Variants in MAP3K4 observed in about 807,000 individuals in gnomAD.
MAP3K4 encodes MAP three kinase 1.
Under a neutral mutation model 185.6 loss-of-function variants are expected in MAP3K4, and 67 were observed. The ratio of observed to expected loss-of-function variants is 0.36; its 90% CI spans 0.30 to 0.44. MAP3K4 has a LOEUF of 0.44. Ranked by LOEUF, MAP3K4 falls within the 20% of genes least tolerant of loss-of-function variation. The pLI, the probability that MAP3K4 is intolerant of heterozygous loss-of-function variation, is 1.00. For synonymous variants in MAP3K4, 702 were observed against 710.4 expected, an observed-to-expected ratio of 0.99 and a Z score of 0.19; for missense variants, 1,551 against 1,995.1, an observed-to-expected ratio of 0.78 and a Z score of 4.24.
chr6:161,020,347 A>G (rs954185304), intron 1 of MAP3K4, among the ~76,000 whole-genome samples: 5 of 151,994 alleles, frequency 3.3e-5, no homozygotes, highest in Admixed American at 1.3e-4. Context: ...CCCTGCCCAC[A>G]TGTGTGCACT....
chr6:161,033,736 C>T (rs1326563525), intron 1 of MAP3K4, among the ~76,000 whole-genome samples: 1 of 152,150 alleles, frequency 6.6e-6, no homozygotes, highest in African/African-American at 2.4e-5. Context: ...CTTGGTACTT[C>T]GTGCTTTGCT....
In MAP3K4 at chr6:161,103,204, T is replaced by G. The variant is rs1450334519; in HGVS notation, c.3856+425T>G. On this transcript the variant is annotated intron_variant, in intron 19 of 26. Transcript: ENST00000392142. The surrounding 1 kb of genome is among the most constrained non-coding windows in gnomAD (Gnocchi z 4.6). ...AGTATTTAATGATCTATAAAATGCT[T>G]TCATGTCTTTTTTTGCTCAACAATA... 6.6e-6 allele frequency among the ~76,000 whole-genome samples: 1 copy of G among 152,224 alleles called. No individual in the cohort carries two copies.
At chr6:161,047,142 A>ATATATG (rs1381937819) in intron 2 of MAP3K4, among the ~76,000 whole-genome samples, 1 of 117,636 alleles carries the variant, frequency 8.5e-6, no homozygotes, top group African/African-American at 3.1e-5. Context: ...ATATATATAT[A>ATATATG]TATGTTTAAA....
chr6:161,056,249 C>T lies in MAP3K4; in HGVS notation c.1707+6270C>T, dbSNP rs1158903249. On this transcript the variant is annotated intron_variant, in intron 3 of 26. Transcript: ENST00000392142. The surrounding 1 kb of genome is among the most constrained non-coding windows in gnomAD (Gnocchi z 5.4). ...TGTCTTGTATTTTCCCTCGTTCTGT[C>T]CTAGGATCAGCCATTTCTCCAAGGA... 6.6e-6 allele frequency among the ~76,000 whole-genome samples: 1 copy of T among 152,158 alleles called. No individual in the cohort carries two copies. The highest frequency in any genetic ancestry group is 1.5e-5 in the Non-Finnish European group (1 of 68,028).
Position 161,112,087 on chromosome 6 carries a change from A to G in MAP3K4, c.4519+129A>G, listed in dbSNP as rs1778378434. The G allele has an allele frequency of 3.2e-6, 4 of 1,235,148 alleles. No individual in the cohort carries two copies. Among genetic ancestry groups the G allele is most frequent in the Non-Finnish European group, 4.4e-6 (4 of 903,486 alleles). The allele number at this position is 1,235,148 out of a possible 1,614,324, so 76.5% of individuals were successfully genotyped here. On this transcript the variant is annotated intron_variant, in intron 24 of 26. Coordinates refer to ENST00000392142, the MANE Select transcript of MAP3K4 (RefSeq NM_005922.4). This position sits in a 1 kb window ranked among gnomAD's most constrained non-coding sequence, Gnocchi z 5.1. The stretch of plus-strand genomic sequence containing the variant: ...GTAAAGGTTTTCAGTCGTGAGAAGG[A>G]CCACTTCCTCACACACTTGGGCTCC...
intron 19 of MAP3K4, among the ~76,000 whole-genome samples, chr6:161,105,994 C>T (rs1583241768): frequency 6.6e-6 from 1 of 151,996 alleles, no homozygotes; most frequent in East Asian, 1.9e-4. Flanking sequence ...CACCACCACA[C>T]CTGGCTAACT....
chr6:161,054,857 T>C lies in MAP3K4; in HGVS notation c.1707+4878T>C, dbSNP rs950569919. On this transcript the variant is annotated intron_variant, in intron 3 of 26. Transcript: ENST00000392142. The surrounding 1 kb of genome is among the most constrained non-coding windows in gnomAD (Gnocchi z 4.2). ...GCAGTTTTATCCTGGCTGTAAGGAC[T>C]ACCATGATGGGAAAAAATAAGAGGA... Among the ~76,000 whole-genome samples the C allele has an allele frequency of 1.3e-5, 2 of 152,222 alleles. No individual in the cohort carries two copies. Among genetic ancestry groups the C allele is most frequent in the Admixed American group, 1.3e-4 (2 of 15,286 alleles).
chr6:161,073,007 T>C lies in MAP3K4; in HGVS notation c.1951-459T>C, dbSNP rs773437924. Reference sequence around the variant, plus strand: ...AGACTGGGCCACAAATCACAGTAGGTAAACTATGCTAAATTATTGCGAAGG... The same window carrying C: ...AGACTGGGCCACAAATCACAGTAGGCAAACTATGCTAAATTATTGCGAAGG... On this transcript the variant is annotated intron_variant, in intron 4 of 26. Coordinates refer to ENST00000392142, the MANE Select transcript of MAP3K4 (RefSeq NM_005922.4). This position sits in a 1 kb window ranked among gnomAD's most constrained non-coding sequence, Gnocchi z 4.2. Among the ~76,000 whole-genome samples, 22 of 152,216 alleles carry C rather than the reference T, an allele frequency of 1.4e-4. No individual in the cohort carries two copies. Among genetic ancestry groups the C allele is most frequent in the Non-Finnish European group, 2.4e-4 (16 of 68,038 alleles).
At chr6:161,078,881 T>C (rs1190360982) in intron 5 of MAP3K4, among the ~76,000 whole-genome samples, 1 of 152,162 alleles carries the variant, frequency 6.6e-6, no homozygotes, top group Non-Finnish European at 1.5e-5. Context: ...TCTTTTGTTT[T>C]GCTTTCTAAA....
intron 6 of MAP3K4, 39 bp downstream of exon 6, chr6:161,081,077 T>A (rs1362226426): frequency 6.2e-7 from 1 of 1,600,900 alleles, no homozygotes; most frequent in Non-Finnish European, 8.5e-7. Context: ...CGCTCCCACC[T>A]TCTCACTCTC....
In MAP3K4 at chr6:161,001,452, C is replaced by T. The variant is rs1233539190; in HGVS notation, c.152+9369C>T. ...CCACCTTGACATTTCCCCCGCTTCC[C>T]CCCAGAATAGATGAGATCCTTCTGT... On this transcript the variant is annotated intron_variant, in intron 1 of 26. Coordinates refer to ENST00000392142, the MANE Select transcript of MAP3K4 (RefSeq NM_005922.4). 2.0e-5 allele frequency among the ~76,000 whole-genome samples: 3 copies of T among 152,064 alleles called. No individual in the cohort carries two copies. The East Asian group carries it at 5.8e-4, about 29-fold the overall frequency.
chr6:161,035,753 A>T (rs1783135381), intron 2 of MAP3K4, among the ~76,000 whole-genome samples: 1 of 152,236 alleles, frequency 6.6e-6, no homozygotes, highest in Admixed American at 6.5e-5. Flanking sequence ...GTGAAGTAGC[A>T]TCTACTGAAT....
intron 1 of MAP3K4, among the ~76,000 whole-genome samples, chr6:161,016,106 GT>G (rs1394216220): frequency 6.6e-6 from 1 of 152,120 alleles, no homozygotes; most frequent in African/African-American, 2.4e-5. Flanking sequence ...TCTGATTATA[GT>G]TTTGATTTGC....
At position 161,112,279 on chromosome 6, in the gene MAP3K4, C is replaced by G. The variant is rs960496918; in HGVS notation, c.4519+321C>G. Among the ~76,000 whole-genome samples, 1 of 152,040 alleles carries G rather than the reference C, an allele frequency of 6.6e-6. No individual in the cohort carries two copies. Among genetic ancestry groups the G allele is most frequent in the African/African-American group, 2.4e-5 (1 of 41,382 alleles). The stretch of plus-strand genomic sequence containing the variant: ...TTGTGCTCTGTAATGTGGCTTACCC[C>G]GAATCACTCAGCATACACCAGTCTC... On this transcript the variant is annotated intron_variant, in intron 24 of 26. Coordinates refer to ENST00000392142, the MANE Select transcript of MAP3K4 (RefSeq NM_005922.4). The surrounding 1 kb of genome is among the most constrained non-coding windows in gnomAD (Gnocchi z 5.1).
intron 1 of MAP3K4, among the ~76,000 whole-genome samples, chr6:161,018,314 A>C (rs574420080): frequency 6.6e-6 from 1 of 152,296 alleles, no homozygotes; most frequent in Admixed American, 6.5e-5. Flanking sequence ...GAAACTCTGC[A>C]AATAAGGCAA....
intron 2 of MAP3K4, among the ~76,000 whole-genome samples, chr6:161,044,751 A>G (rs527490773): frequency 2.0e-5 from 3 of 152,318 alleles, no homozygotes; most frequent in East Asian, 1.9e-4. Context: ...TGGCACCAAT[A>G]TCAACTCAGC....
chr6:161,089,608 C>T, intron 11 of MAP3K4, 137 bp downstream of exon 11: 2 of 779,992 alleles, frequency 2.6e-6, no homozygotes, highest in Non-Finnish European at 4.0e-6. Flanking sequence ...CTTCCCAATA[C>T]ATATTTTCTT....
rs1395329015 is a variant in MAP3K4 at position 161,084,391 on chromosome 6, T to A, written c.2256-110T>A. 1.3e-5 allele frequency: 8 copies of A among 623,478 alleles called. No homozygotes were observed. In the East Asian group the frequency reaches 2.1e-4, roughly 16 times the overall value. The allele number at this position is 623,478 out of a possible 1,614,324, so 38.6% of individuals were successfully genotyped here. A position where few individuals can be genotyped will look rare whatever the true frequency, so the allele number is the denominator to read the frequency against. ...AGAAGAGAAATTTTTCATTTTTGAT[T>A]TTTAAACCATTAGAGCAGTAGCTGA... On this transcript the variant is annotated intron_variant, in intron 6 of 26. Transcript: ENST00000392142. The surrounding 1 kb of genome is among the most constrained non-coding windows in gnomAD (Gnocchi z 4.6).
chr6:161,053,987 T>C lies in MAP3K4; in HGVS notation c.1707+4008T>C, dbSNP rs879709885. On this transcript the variant is annotated intron_variant, in intron 3 of 26. Coordinates refer to ENST00000392142, the MANE Select transcript of MAP3K4 (RefSeq NM_005922.4). The surrounding 1 kb of genome is among the most constrained non-coding windows in gnomAD (Gnocchi z 4.2). ...TTTTGCAGTTTTTGTGGTTTCGTGA[T>C]AATAGGAATGAATATAGGTGAAGGA... Among the ~76,000 whole-genome samples the C allele has an allele frequency of 6.6e-6, 1 of 152,214 alleles. No individual in the cohort carries two copies. Among genetic ancestry groups the C allele is most frequent in the Non-Finnish European group, 1.5e-5 (1 of 68,042 alleles).
Sources: gnomAD v4.1 joint callset for allele counts (sites outside exome capture counted in the v4.1 genomes callset) on GRCh38, gnomAD v4.1.1 for gene constraint, Gnocchi (gnomAD v3.1) non-coding constraint, MANE v1.5 for transcripts, NCBI Gene and HGNC (gene_info 2026-07-23, HGNC 2026-07-21) for gene names.